MOXD1: variants seen among roughly 807,000 people sequenced by gnomAD.
MOXD1 encodes the protein monooxygenase DBH like 1.
A neutral mutation model predicts 66.6 loss-of-function variants in MOXD1; 62 were observed. The ratio of observed to expected loss-of-function variants is 0.93; its 90% confidence interval spans 0.76 to 1.15. MOXD1 has a LOEUF of 1.15. MOXD1 is among the 50% of genes most tolerant of loss of function. The probability of loss-of-function intolerance (pLI) is 0.00; values close to 1 mark genes in which losing one functional copy is unlikely to be tolerated. For synonymous variants in MOXD1, 303 were observed against 281.9 expected, an observed-to-expected ratio of 1.07 and a Z score of -0.75; for missense variants, 847 against 754.6, an observed-to-expected ratio of 1.12 and a Z score of -1.44.
rs1300240060 is a variant in MOXD1 at position 132,372,891 on chromosome 6, T to C, written c.518A>G (p.Asn173Ser). The change falls in exon 3 of 12, where the codon AAT (asparagine) becomes AGT (serine). Residue 173 changes from asparagine to serine, a missense_variant. Transcript: ENST00000367963. ...NRGTKSLRLL[N>S]PEKTSVLSTA... ...AGATAGCACACTAGTTTTCTCAGGA[T>C]TCAATAACCGCAAACTCTTGGTGCC... The C allele has an allele frequency of 1.9e-6, 3 of 1,614,086 alleles. No individual in the cohort carries two copies. Among genetic ancestry groups the C allele is most frequent in the Non-Finnish European group, 2.5e-6 (3 of 1,179,952 alleles).
intron 4 of MOXD1, among the ~76,000 whole-genome samples, chr6:132,328,888 T>C (rs1313978054): frequency 1.3e-5 from 2 of 152,182 alleles, no homozygotes; most frequent in African/African-American, 2.4e-5. Flanking sequence ...CCTTTGCCCA[T>C]TCTGCAGAGC....
intron 1 of MOXD1, among the ~76,000 whole-genome samples, chr6:132,389,885 T>C (rs538234536): frequency 6.6e-6 from 1 of 151,606 alleles, no homozygotes; most frequent in South Asian, 2.1e-4. Context: ...AGACATTTAG[T>C]TTTTCCTAAG....
At chr6:132,388,026 C>A (rs548316537) in intron 1 of MOXD1, among the ~76,000 whole-genome samples, 102 of 151,436 alleles carry the variant, frequency 6.7e-4, no homozygotes, top group African/African-American at 2.2e-3. Flanking sequence ...AAACCAATTA[C>A]TTCAAGTTTG....
At chr6:132,392,030 A>T in intron 1 of MOXD1, 1 of 711,148 alleles carries the variant, frequency 1.4e-6, no homozygotes, top group Non-Finnish European at 2.2e-6. Context: ...AATATCTCTT[A>T]ACAAAGCACC....
intron 1 of MOXD1, among the ~76,000 whole-genome samples, chr6:132,382,798 C>A (rs1441031399): frequency 6.6e-6 from 1 of 152,138 alleles, no homozygotes; most frequent in Non-Finnish European, 1.5e-5. Context: ...AGCATGATAG[C>A]CTCAGTACTT....
At position 132,387,897 on chromosome 6, in the gene MOXD1, T is replaced by C. The variant is rs142749016; in HGVS notation, c.265-13120A>G. On this transcript the variant is annotated intron_variant, in intron 1 of 11. Coordinates refer to ENST00000367963, the MANE Select transcript of MOXD1 (RefSeq NM_015529.4). ...CCTTACTATTACTCAGATGCACTTA[T>C]ATTTAATACCCTAATCTACAGGTCC... is the stretch of plus-strand genomic sequence containing the variant. Among the ~76,000 whole-genome samples, 87 of 151,388 alleles carry C rather than the reference T, an allele frequency of 5.7e-4. 4 individuals are homozygous for C. In the East Asian group the frequency reaches 0.015, roughly 26 times the overall value.
At chr6:132,383,668 T>G (rs770402344) in intron 1 of MOXD1, among the ~76,000 whole-genome samples, 2 of 152,186 alleles carry the variant, frequency 1.3e-5, no homozygotes, top group Admixed American at 1.3e-4. Context: ...AAATTTTGAC[T>G]CTTTATTTGG....
chr6:132,302,154 G>A (rs1204115679), intron 10 of MOXD1, among the ~76,000 whole-genome samples: 2 of 152,090 alleles, frequency 1.3e-5, no homozygotes, highest in Non-Finnish European at 2.9e-5. Flanking sequence ...CTAGAAGATT[G>A]TGACCTAAAC....
chr6:132,361,289 A>G (rs980763435), intron 4 of MOXD1, among the ~76,000 whole-genome samples: 1 of 151,586 alleles, frequency 6.6e-6, no homozygotes, highest in African/African-American at 2.4e-5. Context: ...TACAGGAAAC[A>G]GCTGGTGTTT....
chr6:132,381,715 T>G (rs1164226105), intron 1 of MOXD1, among the ~76,000 whole-genome samples: 1 of 152,172 alleles, frequency 6.6e-6, no homozygotes, highest in Non-Finnish European at 1.5e-5. Context: ...GTTATTGTGT[T>G]ACTATCATCC....
chr6:132,300,003 AT>A lies in MOXD1; in HGVS notation c.1509-2049del, dbSNP rs528502457. Among the ~76,000 whole-genome samples the A allele has an allele frequency of 3.0e-4, 46 of 151,774 alleles. No homozygotes were observed. In the South Asian group the frequency reaches 7.9e-3, roughly 26 times the overall value. ...TTAATTTCTTGGAGTTATAAAGATA[AT>A]TTTTTATGTCTAAATTTGAAATATT... On this transcript the variant is annotated intron_variant, in intron 10 of 11. Coordinates refer to ENST00000367963, the MANE Select transcript of MOXD1 (RefSeq NM_015529.4).
intron 4 of MOXD1, among the ~76,000 whole-genome samples, chr6:132,339,174 A>G (rs1442532676): frequency 6.6e-6 from 1 of 152,216 alleles, no homozygotes; most frequent in Non-Finnish European, 1.5e-5. Context: ...TATAAGACTT[A>G]GCTATATTTT....
chr6:132,371,412 A>T (rs1419233583), intron 4 of MOXD1, among the ~76,000 whole-genome samples: 1 of 152,152 alleles, frequency 6.6e-6, no homozygotes, highest in Non-Finnish European at 1.5e-5. Context: ...ACTCAATAAC[A>T]TTCCCTAAAG....
At chr6:132,351,588 C>A (rs188584566) in intron 4 of MOXD1, among the ~76,000 whole-genome samples, 2 of 151,970 alleles carry the variant, frequency 1.3e-5, no homozygotes, top group Admixed American at 1.3e-4. Flanking sequence ...TTGGTTATAT[C>A]GGTCAGTAGT....
At chr6:132,317,240 T>C (rs1774978995) in intron 9 of MOXD1, among the ~76,000 whole-genome samples, 1 of 152,182 alleles carries the variant, frequency 6.6e-6, no homozygotes, top group Non-Finnish European at 1.5e-5. Context: ...ATATTGTTTA[T>C]ATTCTAAATT....
chr6:132,373,426 A>C (rs1776309996), intron 2 of MOXD1, among the ~76,000 whole-genome samples: 1 of 152,236 alleles, frequency 6.6e-6, no homozygotes, highest in East Asian at 1.9e-4. Context: ...ATACAATAAA[A>C]ATTAAAATTA....
chr6:132,351,481 G>C (rs1219442116), intron 4 of MOXD1, among the ~76,000 whole-genome samples: 1 of 152,036 alleles, frequency 6.6e-6, no homozygotes, highest in Non-Finnish European at 1.5e-5. Context: ...CTGCATCCCT[G>C]GTATGAAACC....
chr6:132,343,952 G>A (rs1775616781), intron 4 of MOXD1, among the ~76,000 whole-genome samples: 1 of 151,908 alleles, frequency 6.6e-6, no homozygotes, highest in Admixed American at 6.6e-5. Context: ...GTTAAAACAA[G>A]AAAGTCATAT....
intron 4 of MOXD1, among the ~76,000 whole-genome samples, chr6:132,343,239 C>CA (rs536707210): frequency 4.8e-4 from 73 of 152,050 alleles, no homozygotes; most frequent in African/African-American, 1.7e-3. Flanking sequence ...TAAAACAAGT[C>CA]AAAAAACAAA....
Sources: gnomAD v4.1 joint callset for allele counts (sites outside exome capture counted in the v4.1 genomes callset) on GRCh38, gnomAD v4.1.1 for gene constraint, MANE v1.5 for transcripts, NCBI Gene and HGNC (gene_info 2026-07-23, HGNC 2026-07-21) for gene names.